Variants in MYRF observed in about 807,000 individuals in gnomAD.
MYRF encodes the protein myelin regulatory factor.
Under a neutral mutation model 126.3 loss-of-function variants are expected in MYRF, and 16 were observed. The observed-to-expected ratio is 0.13, with a 90% CI of 0.09 to 0.19. The LOEUF (loss-of-function observed/expected upper bound fraction) is 0.19, where lower values mean the gene tolerates loss of function less well. Ranked by LOEUF, MYRF falls within the 10% of genes least tolerant of loss-of-function variation. The pLI is 1.00. For synonymous variants in MYRF, 608 were observed against 635.3 expected (o/e 0.96, Z 0.65); for missense variants, 1,104 against 1,547.0 (o/e 0.71, Z 4.80).
chr11:61,759,228 C>T (rs2065841628), intron 1 of MYRF, among the ~76,000 whole-genome samples: 1 of 152,220 alleles, frequency 6.6e-6, no homozygotes, highest in African/African-American at 2.4e-5. Context: ...AGCTGCTGGC[C>T]TCGGTGCTGT....
intron 22 of MYRF, chr11:61,782,540 GTGA>G (rs1204818574): frequency 6.6e-6 from 1 of 152,286 alleles, no homozygotes; most frequent in African/African-American, 2.4e-5. Flanking sequence ...GGGACTGGGG[GTGA>G]TGAAGATGGA....
At chr11:61,761,269 G>GGA (rs1462506957) in intron 1 of MYRF, among the ~76,000 whole-genome samples, 14 of 145,344 alleles carry the variant, frequency 9.6e-5, no homozygotes, top group Non-Finnish European at 4.7e-5. Flanking sequence ...TGGGGGGGGG[G>GGA]GCACATAAGC....
In MYRF at chr11:61,769,311, G is replaced by A. The variant is rs1370199061; in HGVS notation, c.450G>A (p.Gln150=). 1.9e-6 allele frequency: 3 copies of A among 1,610,060 alleles called. No homozygotes were observed. The highest frequency in any genetic ancestry group is 1.7e-5 in the Admixed American group (1 of 59,748). The change falls in exon 4 of 27, where the codon CAG becomes CAA. Residue 150 remains glutamine, a synonymous_variant. Transcript: ENST00000278836. The stretch of plus-strand genomic sequence containing the variant: ...CGGGCTCCGAGGCCTACTCCCCCCA[G>A]CAGGTGAATGGTGAGTCCAGCGGGC... ...PDSGSEAYSP[Q]QVNEPHLLRT...
rs1170980527 is a variant in MYRF, at chr11:61,769,240, C to G, written c.399-20C>G. 1 of 1,553,176 alleles carries G rather than the reference C, an allele frequency of 6.4e-7. No homozygotes were observed. Among genetic ancestry groups the G allele is most frequent in the Non-Finnish European group, 8.8e-7 (1 of 1,140,860 alleles). ...AAGCTCAGCTGCTCACCCCCCGGCC[C>G]CTTCCCCTGGCTCTCGCAGCACACT... On this transcript the variant is annotated intron_variant, in intron 3 of 26. Coordinates refer to ENST00000278836, the MANE Select transcript of MYRF (RefSeq NM_001127392.3).
intron 8 of MYRF, 138 bp from the exon 9 acceptor site, chr11:61,775,918 G>A: frequency 1.3e-6 from 1 of 741,352 alleles, no homozygotes. Flanking sequence ...TGAGCTTGTG[G>A]GAATCGCGGC....
chr11:61,764,807 G>T (rs2066006745), intron 1 of MYRF, among the ~76,000 whole-genome samples: 1 of 152,238 alleles, frequency 6.6e-6, no homozygotes, highest in East Asian at 1.9e-4. Context: ...GGTGGGGCCG[G>T]GGCCAGCGCA....
At chr11:61,768,220 G>A (rs542903211) in intron 3 of MYRF, among the ~76,000 whole-genome samples, 10 of 152,262 alleles carry the variant, frequency 6.6e-5, no homozygotes, top group Middle Eastern at 3.4e-3. Flanking sequence ...ACATCTCCAA[G>A]TAGAGGAATA....
chr11:61,780,767 G>A lies in MYRF; in HGVS notation c.2461G>A (p.Gly821Arg). ...GGCCCTGCTCCGGCCCCAGCCCCCT[G>A]GGGGGAGTGAGGCCTTGTGCCCATG... Reference protein sequence around the residue: ...LLALLRPQPPGGSEALCPWSS... With the variant: ...LLALLRPQPPRGSEALCPWSS... Residue 821 changes from glycine to arginine, a missense_variant, in exon 19 of 27, where the codon GGG (glycine) becomes AGG (arginine). Gly to Arg is a moderately radical substitution (Grantham distance 125, BLOSUM62 -2). Coordinates refer to ENST00000278836, the MANE Select transcript of MYRF (RefSeq NM_001127392.3). 6.5e-7 allele frequency: 1 copy of A among 1,547,120 alleles called. No individual in the cohort carries two copies. The highest frequency in any genetic ancestry group is 8.7e-7 in the Non-Finnish European group (1 of 1,147,152).
chr11:61,779,579 G>A lies in MYRF; in HGVS notation c.2247+9G>A, dbSNP rs1342344120. The stretch of plus-strand genomic sequence containing the variant: ...CCAAGGTGGCCAGCAAGGTAGGGGT[G>A]AGCAGGGATGGCAGGCGGGTTGGAA... On this transcript the variant is annotated intron_variant, in intron 16 of 26. Coordinates refer to ENST00000278836, the MANE Select transcript of MYRF (RefSeq NM_001127392.3). The A allele has an allele frequency of 3.4e-6, 5 of 1,490,572 alleles. No individual in the cohort carries two copies. The South Asian group carries it at 5.6e-5, about 17-fold the overall frequency. The allele number at this position is 1,490,572 out of a possible 1,614,324, so 92.3% of individuals were successfully genotyped here.
At chr11:61,772,547 G>A (rs2066257244) in intron 7 of MYRF, among the ~76,000 whole-genome samples, 1 of 152,260 alleles carries the variant, frequency 6.6e-6, no homozygotes, top group Non-Finnish European at 1.5e-5. Context: ...CAGGCTTTGG[G>A]GGAATTCTTA....
chr11:61,771,407 A>T, intron 5 of MYRF, 93 bp from the exon 6 acceptor site: 1 of 1,513,316 alleles, frequency 6.6e-7, no homozygotes, highest in South Asian at 1.3e-5. Context: ...ATCCTGGCCC[A>T]AACAGGCTAG....
intron 3 of MYRF, chr11:61,767,004 G>C (rs966216007): frequency 2.2e-5 from 10 of 456,330 alleles, no homozygotes; most frequent in East Asian, 6.9e-5. Context: ...GTAACCCATG[G>C]CCTCAGTTTC....
At chr11:61,766,969 C>T in intron 3 of MYRF, 1 of 454,510 alleles carries the variant, frequency 2.2e-6, no homozygotes, top group Non-Finnish European at 4.4e-6. Context: ...ACTTCAGCTT[C>T]CCCATTTATC....
rs1440386473 is a variant in MYRF, at chr11:61,757,918, C to G, written c.46+5128C>G. ...CAGCTCTGTGCCAGCCTGGGATGGG[C>G]AGGGAAGGGGCCTCTCCTCCTGACA... is the stretch of plus-strand genomic sequence containing the variant. On this transcript the variant is annotated intron_variant, in intron 1 of 26. Transcript: ENST00000278836. The surrounding 1 kb of genome is among the most constrained non-coding windows in gnomAD (Gnocchi z 4.7). Among the ~76,000 whole-genome samples, 1 of 152,150 alleles carries G rather than the reference C, an allele frequency of 6.6e-6. No homozygotes were observed. Among genetic ancestry groups the G allele is most frequent in the Non-Finnish European group, 1.5e-5 (1 of 68,000 alleles).
rs1455524372 is a variant in MYRF at position 61,788,309 on chromosome 11, C to A, written c.*2166C>A. The A allele has an allele frequency of 6.6e-6, 1 of 152,352 alleles. No homozygotes were observed. Among genetic ancestry groups the A allele is most frequent in the East Asian group, 1.9e-4 (1 of 5,320 alleles). 9.4% of individuals were successfully genotyped at this position (152,352 alleles called of 1,614,324 possible). On this transcript the variant is annotated 3_prime_UTR_variant, in exon 27 of 27. Transcript: ENST00000278836. ...TGCCCATACCGTGCACCCTTAGAAG[C>A]CTGCGTGTGCATAGAGCGCCCCCTA...
In MYRF at chr11:61,777,332, C is replaced by T. The variant is rs144177087; in HGVS notation, c.1659C>T (p.Thr553=). Residue 553 remains threonine, a synonymous_variant, in exon 12 of 27, where the codon ACC becomes ACT. Transcript: ENST00000278836. This position sits in a 1 kb window ranked among gnomAD's most constrained non-coding sequence, Gnocchi z 8.8. The part of the protein sequence containing the change: ...VLWQRAQVPD[T]VFHHGRVGIN... ...GGCAGCGGGCACAGGTGCCCGACAC[C>T]GTCTTCCACCACGGCCGCGTGGGCA... is the stretch of plus-strand genomic sequence containing the variant. The T allele has an allele frequency of 4.3e-6, 7 of 1,613,554 alleles. No homozygotes were observed. Among genetic ancestry groups the T allele is most frequent in the South Asian group, 2.2e-5 (2 of 91,086 alleles).
chr11:61,766,117 G>A lies in MYRF; in HGVS notation c.294G>A (p.Pro98=), dbSNP rs777096485. 8 of 1,609,014 alleles carry A rather than the reference G, an allele frequency of 5.0e-6. No individual in the cohort carries two copies. Among genetic ancestry groups the A allele is most frequent in the South Asian group, 3.3e-5 (3 of 91,080 alleles). ...TCCCACCCCCGGGCTACGGCACCCC[G>A]CTGAACTGCAACAACAACAACGGCA... ...GPLPPPGYGT[P]LNCNNNNGMG... The change falls in exon 3 of 27, where the codon CCG becomes CCA. Residue 98 remains proline, a synonymous_variant. Transcript: ENST00000278836.
Position 61,780,784 on chromosome 11 carries a change from G to T in MYRF, c.2478G>T (p.Leu826Phe), listed in dbSNP as rs1031105168. Reference sequence around the variant, plus strand: ...AGCCCCCTGGGGGGAGTGAGGCCTTGTGCCCATGGTACGTGCTGACCAGCG... The same window carrying T: ...AGCCCCCTGGGGGGAGTGAGGCCTTTTGCCCATGGTACGTGCTGACCAGCG... ...RPQPPGGSEA[L>F]CPWSSQSFGT... Residue 826 changes from leucine to phenylalanine, a missense_variant, in exon 19 of 27, where the codon TTG (leucine) becomes TTT (phenylalanine). By Grantham distance (22) the Leu-to-Phe change is conservative (BLOSUM62 0). This residue lies in a region of MYRF where 323 missense variants were observed against 383.1 expected (regional missense o/e 0.84). Transcript: ENST00000278836. 3 of 1,545,770 alleles carry T rather than the reference G, an allele frequency of 1.9e-6. No individual in the cohort carries two copies. The African/African-American group carries it at 4.1e-5, about 21-fold the overall frequency.
chr11:61,776,190 T>C lies in MYRF; in HGVS notation c.1388+58T>C. The C allele has an allele frequency of 6.2e-7, 1 of 1,604,112 alleles. No individual in the cohort carries two copies. Among genetic ancestry groups the C allele is most frequent in the Non-Finnish European group, 8.5e-7 (1 of 1,171,252 alleles). On this transcript the variant is annotated intron_variant, in intron 9 of 26. Coordinates refer to ENST00000278836, the MANE Select transcript of MYRF (RefSeq NM_001127392.3). This position sits in a 1 kb window ranked among gnomAD's most constrained non-coding sequence, Gnocchi z 4.3. ...AGAAGGGTCCACAACTAAAGCTGGC[T>C]TGGGAATGGAGGGGCCAGGGAGGTA...
Sources: gnomAD v4.1 joint callset for allele counts (sites outside exome capture counted in the v4.1 genomes callset) on GRCh38, gnomAD v4.1.1 for gene constraint, gnomAD v4.1.1 regional missense constraint, Gnocchi (gnomAD v3.1) non-coding constraint, MANE v1.5 for transcripts, NCBI Gene and HGNC (gene_info 2026-07-23, HGNC 2026-07-21) for gene names.